The following CDH4 variants were observed in gnomAD, a reference collection of about 807,000 sequenced individuals.
CDH4 encodes the protein cadherin 4.
CDH4 carries 33 observed loss-of-function variants against 86.0 expected under a neutral mutation model. The observed-to-expected ratio is 0.38, with a 90% CI of 0.29 to 0.51. The LOEUF (loss-of-function observed/expected upper bound fraction) is 0.51. Among genes scored for constraint, CDH4 ranks in the 20% least tolerant of loss-of-function variants. The pLI is 0.86. For synonymous variants in CDH4, 555 were observed against 549.4 expected (o/e 1.01, Z -0.14); for missense variants, 1,114 against 1,307.4 (o/e 0.85, Z 2.28).
chr20:61,565,134 GTCCTCT>G (rs1277874674), intron 2 of CDH4, among the ~76,000 whole-genome samples: 1 of 116,884 alleles, frequency 8.6e-6, no homozygotes, highest in African/African-American at 3.3e-5. Context: ...GGTGGTGCTG[GTCCTCT>G]TGGTGTTGGT....
At chr20:61,599,893 C>CA in intron 2 of CDH4, 1 of 985,528 alleles carries the variant, frequency 1.0e-6, no homozygotes, top group Non-Finnish European at 1.2e-6. Flanking sequence ...GCCGTGCACT[C>CA]ACAGCTTGGA....
At chr20:61,745,403 T>C (rs142274162) in intron 3 of CDH4, among the ~76,000 whole-genome samples, 65 of 152,254 alleles carry the variant, frequency 4.3e-4, no homozygotes, top group African/African-American at 1.5e-3. Context: ...GAAGCGGAGA[T>C]GGAAGCGGAG....
intron 7 of CDH4, among the ~76,000 whole-genome samples, chr20:61,890,414 A>G (rs1984768337): frequency 6.7e-6 from 1 of 149,014 alleles, no homozygotes; most frequent in South Asian, 2.2e-4. Context: ...GGATGGATGG[A>G]TGATGGATGG....
intron 2 of CDH4, among the ~76,000 whole-genome samples, chr20:61,387,362 A>G (rs2084957325): frequency 6.6e-6 from 1 of 152,102 alleles, no homozygotes; most frequent in African/African-American, 2.4e-5. Flanking sequence ...CTGCACAAAC[A>G]CAAACACACA....
chr20:61,310,610 G>A (rs1372321717), intron 2 of CDH4, among the ~76,000 whole-genome samples: 1 of 152,154 alleles, frequency 6.6e-6, no homozygotes, highest in Non-Finnish European at 1.5e-5. Flanking sequence ...GTCCAGCCTG[G>A]TTCCTAACAG....
chr20:61,852,646 C>A, intron 5 of CDH4, 108 bp from the exon 6 acceptor site: 1 of 1,192,770 alleles, frequency 8.4e-7, no homozygotes, highest in Non-Finnish European at 1.1e-6. Context: ...CTATAGCCAA[C>A]CTGCTTCTGC....
At position 61,557,588 on chromosome 20, in the gene CDH4, G is replaced by C. The variant is rs190967005; in HGVS notation, c.170-185975G>C. Among the ~76,000 whole-genome samples the C allele has an allele frequency of 4.7e-3, 713 of 152,292 alleles. 3 individuals carry two copies. The highest frequency in any genetic ancestry group is 0.015 in the African/African-American group (640 of 41,568). ...ATAGCTGTTATTTGGATAGCTTAGAGGAATGAGAAGAGATAAAACTCATGA... is the reference window on the plus strand; with the variant it reads ...ATAGCTGTTATTTGGATAGCTTAGACGAATGAGAAGAGATAAAACTCATGA... On this transcript the variant is annotated intron_variant, in intron 2 of 15. Coordinates refer to ENST00000614565, the MANE Select transcript of CDH4 (RefSeq NM_001794.5).
rs1309682575 is a variant in CDH4, at chr20:61,773,230, T to C, written c.576+48T>C. On this transcript the variant is annotated intron_variant, in intron 4 of 15. Transcript: ENST00000614565. ...GGCACGGGGGTCTCGGCGTTAGCAG[T>C]AGGCTCTTCTCCCGACATCCCAAAG... is the stretch of plus-strand genomic sequence containing the variant. The C allele has an allele frequency of 2.0e-6, 3 of 1,464,692 alleles. No homozygotes were observed. In the African/African-American group the frequency reaches 4.2e-5, roughly 21 times the overall value. The allele number at this position is 1,464,692 out of a possible 1,614,324, so 90.7% of individuals were successfully genotyped here. A position where few individuals can be genotyped will look rare whatever the true frequency, so the allele number is the denominator to read the frequency against.
chr20:61,629,050 C>T (rs929697929), intron 2 of CDH4, among the ~76,000 whole-genome samples: 1 of 152,360 alleles, frequency 6.6e-6, no homozygotes, highest in East Asian at 1.9e-4. Context: ...CTGCGGGAGC[C>T]GCCTCTGATC....
At chr20:61,536,108 A>C (rs1292130703) in intron 2 of CDH4, among the ~76,000 whole-genome samples, 4 of 152,144 alleles carry the variant, frequency 2.6e-5, no homozygotes, top group African/African-American at 9.7e-5. Flanking sequence ...GGCCCAGGCT[A>C]CCTGCAGGCA....
At chr20:61,921,425 G>A (rs151318901) in intron 9 of CDH4, among the ~76,000 whole-genome samples, 13 of 152,298 alleles carry the variant, frequency 8.5e-5, no homozygotes, top group East Asian at 3.9e-4. Flanking sequence ...ATGATCCTCC[G>A]CACCTAAATC....
chr20:61,852,958 C>A, intron 6 of CDH4, 60 bp downstream of exon 6: 2 of 1,558,136 alleles, frequency 1.3e-6, no homozygotes, highest in Non-Finnish European at 1.8e-6. Context: ...GCAGCACAGG[C>A]CCTGAGGGCA....
chr20:61,428,235 C>A (rs77626657), intron 2 of CDH4, among the ~76,000 whole-genome samples: 113 of 152,238 alleles, frequency 7.4e-4, no homozygotes, highest in African/African-American at 2.5e-3. Context: ...ACATGCAGCA[C>A]CTGGAATCCT....
At chr20:61,346,952 C>T (rs1230232171) in intron 2 of CDH4, among the ~76,000 whole-genome samples, 1 of 152,058 alleles carries the variant, frequency 6.6e-6, no homozygotes, top group Non-Finnish European at 1.5e-5. Context: ...CTGCTTGCTC[C>T]CCTGCAGATT....
intron 2 of CDH4, among the ~76,000 whole-genome samples, chr20:61,648,134 G>A (rs1478454971): frequency 1.3e-5 from 2 of 152,216 alleles, no homozygotes; most frequent in African/African-American, 2.4e-5. Flanking sequence ...AGAAGGCACC[G>A]GCCACACCAC....
intron 2 of CDH4, among the ~76,000 whole-genome samples, chr20:61,476,653 G>A (rs932494693): frequency 6.6e-6 from 1 of 152,216 alleles, no homozygotes; most frequent in Admixed American, 6.5e-5. Context: ...GTCCTTCTGT[G>A]TAGCTGAAGA....
intron 2 of CDH4, among the ~76,000 whole-genome samples, chr20:61,714,948 A>G (rs1395231781): frequency 6.6e-6 from 1 of 152,224 alleles, no homozygotes; most frequent in African/African-American, 2.4e-5. Flanking sequence ...GCTGGATCAA[A>G]TGGTAAATCT....
chr20:61,305,768 G>T (rs2084413634), intron 2 of CDH4, among the ~76,000 whole-genome samples: 1 of 152,188 alleles, frequency 6.6e-6, no homozygotes, highest in Admixed American at 6.5e-5. Context: ...TCATTTTCAT[G>T]AAAGATGCTG....
chr20:61,282,385 G>A (rs1029260665), intron 2 of CDH4, among the ~76,000 whole-genome samples: 1 of 152,114 alleles, frequency 6.6e-6, no homozygotes, highest in African/African-American at 2.4e-5. Flanking sequence ...ATTCACCTTT[G>A]GCTCTATCCC....
Sources: gnomAD v4.1 joint callset for allele counts (sites outside exome capture counted in the v4.1 genomes callset) on GRCh38, gnomAD v4.1.1 for gene constraint, MANE v1.5 for transcripts, NCBI Gene and HGNC (gene_info 2026-07-23, HGNC 2026-07-21) for gene names.